Variants in CCNH observed in about 807,000 individuals in gnomAD.
The protein encoded by CCNH is cyclin H.
CCNH carries 31 observed loss-of-function variants against 41.9 expected under a neutral mutation model. The ratio of observed to expected loss-of-function variants is 0.74; its 90% CI spans 0.56 to 1.00. The LOEUF (loss-of-function observed/expected upper bound fraction) is 1.00, where lower values mean the gene tolerates loss of function less well. Among genes scored for constraint, CCNH ranks in the 50% least tolerant of loss-of-function variants. CCNH has a pLI of 0.00. For missense variants in CCNH, 362 were observed against 388.4 expected, an observed-to-expected ratio of 0.93 and a Z score of 0.57; for synonymous variants, 138 against 136.1, an observed-to-expected ratio of 1.01 and a Z score of -0.10.
At chr5:87,348,807 G>A (rs1398255984) in intron 9 of CCNH, among the ~76,000 whole-genome samples, 3 of 151,802 alleles carry the variant, frequency 2.0e-5, no homozygotes, top group African/African-American at 7.3e-5. Context: ...TAAGCACAGA[G>A]TATTCTTAAG....
chr5:87,406,010 T>C (rs976397219), intron 4 of CCNH, among the ~76,000 whole-genome samples: 1 of 152,128 alleles, frequency 6.6e-6, no homozygotes, highest in Non-Finnish European at 1.5e-5. Context: ...CCACAGACAA[T>C]TGACTCTCCT....
chr5:87,346,450 T>TA lies in CCNH; in HGVS notation c.*91-27554_*91-27553insT, dbSNP rs569038172. Among the ~76,000 whole-genome samples the TA allele has an allele frequency of 2.5e-3, 386 of 152,006 alleles. 1 individual carries two copies. The highest frequency in any genetic ancestry group is 8.8e-3 in the African/African-American group (364 of 41,522). ...CCATTTTTGTATTGGTAATGAAAAT[T>TA]GTAGTTTATATTTGATAGTTTCTAG... On this transcript the variant is annotated intron_variant and NMD_transcript_variant, in intron 9 of 9. Coordinates refer to the CCNH transcript ENST00000645953.
chr5:87,370,738 T>G (rs528294825), intron 9 of CCNH, among the ~76,000 whole-genome samples: 1 of 152,194 alleles, frequency 6.6e-6, no homozygotes, highest in Admixed American at 6.6e-5. Context: ...ACAGCTAAAT[T>G]TCTGCTTATA....
At chr5:87,331,790 G>A (rs1757619225) in intron 9 of CCNH, among the ~76,000 whole-genome samples, 1 of 152,074 alleles carries the variant, frequency 6.6e-6, no homozygotes, top group Admixed American at 6.5e-5. Context: ...CTAAAATAAA[G>A]GAATTGTATA....
downstream of CCNH, among the ~76,000 whole-genome samples, chr5:87,371,352 A>G (rs1760926149): frequency 6.6e-6 from 1 of 152,114 alleles, no homozygotes; most frequent in South Asian, 2.1e-4. Context: ...AGATATTAAT[A>G]AAGTTCAGCT....
intron 9 of CCNH, among the ~76,000 whole-genome samples, chr5:87,337,660 AATAT>A (rs1343293213): frequency 6.6e-6 from 1 of 152,114 alleles, no homozygotes; most frequent in Non-Finnish European, 1.5e-5. Flanking sequence ...CAAAACCTTC[AATAT>A]ATGTACAATC....
chr5:87,343,374 T>C (rs1390624620), intron 9 of CCNH, among the ~76,000 whole-genome samples: 1 of 152,184 alleles, frequency 6.6e-6, no homozygotes, highest in Non-Finnish European at 1.5e-5. Flanking sequence ...CTTGACTCTT[T>C]AGCCTCATCA....
intron 9 of CCNH, chr5:87,341,408 T>G (rs1281093094): frequency 1.0e-6 from 1 of 959,420 alleles, no homozygotes; most frequent in African/African-American, 1.7e-5. Context: ...AAAATTGTTT[T>G]TTAAGGTTTT....
chr5:87,405,593 CAG>C (rs1031435858), intron 4 of CCNH, among the ~76,000 whole-genome samples: 64 of 152,228 alleles, frequency 4.2e-4, no homozygotes, highest in African/African-American at 1.3e-3. Flanking sequence ...ACAAAATATT[CAG>C]AGTCAATTAT....
chr5:87,320,655 C>T (rs1756724542), intron 9 of CCNH, among the ~76,000 whole-genome samples: 1 of 152,178 alleles, frequency 6.6e-6, no homozygotes, highest in South Asian at 2.1e-4. Context: ...ATTCAATCAC[C>T]TACCACCAGG....
At chr5:87,376,278 C>G in exon 1 of CCNH, 1 of 1,258,196 alleles carries the variant, frequency 7.9e-7, no homozygotes, top group South Asian at 1.3e-5. Flanking sequence ...CTGAAAACTC[C>G]TTTAATGAAA....
At chr5:87,367,039 C>G (rs952289129) in intron 9 of CCNH, among the ~76,000 whole-genome samples, 2 of 152,096 alleles carry the variant, frequency 1.3e-5, no homozygotes, top group African/African-American at 4.8e-5. Flanking sequence ...TCAAACAAAA[C>G]TAAACCAAAA....
chr5:87,335,922 C>T (rs1380412168), intron 9 of CCNH, among the ~76,000 whole-genome samples: 1 of 152,132 alleles, frequency 6.6e-6, no homozygotes, highest in East Asian at 1.9e-4. Flanking sequence ...GTTTTGGATT[C>T]CATATTACAA....
chr5:87,392,302 C>CTT (rs542721294), downstream of CCNH: 106 of 455,936 alleles, frequency 2.3e-4, no homozygotes, highest in African/African-American at 2.1e-3. Context: ...AAGATGTCTG[C>CTT]TTAGTAGTTC....
chr5:87,355,843 G>T (rs1759610056), intron 9 of CCNH, among the ~76,000 whole-genome samples: 1 of 152,150 alleles, frequency 6.6e-6, no homozygotes, highest in Non-Finnish European at 1.5e-5. Flanking sequence ...AACTCTTTTG[G>T]ATAACTTTGA....
intron 9 of CCNH, among the ~76,000 whole-genome samples, chr5:87,338,717 T>G (rs1332877059): frequency 6.6e-6 from 1 of 151,026 alleles, no homozygotes; most frequent in Non-Finnish European, 1.5e-5. Flanking sequence ...CTTTTCTTCC[T>G]CATAAGTGAA....
intron 9 of CCNH, among the ~76,000 whole-genome samples, chr5:87,325,662 A>C (rs1191789037): frequency 1.3e-5 from 2 of 152,244 alleles, no homozygotes; most frequent in East Asian, 3.8e-4. Flanking sequence ...AGGAAAAACC[A>C]AGTGGAAAGT....
At chr5:87,392,486 C>T, downstream of CCNH, 1 of 384,538 alleles carries the variant, frequency 2.6e-6, no homozygotes, top group East Asian at 7.3e-5. Flanking sequence ...CTCTCCTTTC[C>T]ACCCCTTCTG....
intron 9 of CCNH, among the ~76,000 whole-genome samples, chr5:87,352,578 T>C (rs932453673): frequency 6.6e-6 from 1 of 151,874 alleles, no homozygotes; most frequent in African/African-American, 2.4e-5. Flanking sequence ...TCCCAATATT[T>C]CCCAATTTGT....
Sources: gnomAD v4.1 joint callset for allele counts (sites outside exome capture counted in the v4.1 genomes callset) on GRCh38, gnomAD v4.1.1 for gene constraint, MANE v1.5 for transcripts, NCBI Gene and HGNC (gene_info 2026-07-23, HGNC 2026-07-21) for gene names.